The following ZFAT variants were observed in gnomAD, a reference collection of about 807,000 sequenced individuals.
ZFAT encodes the protein zinc finger and AT-hook domain containing, also known as zinc finger protein ZFAT.
ZFAT carries 64 observed loss-of-function variants against 117.7 expected under a neutral mutation model. The ratio of observed to expected loss-of-function variants is 0.54; its 90% CI spans 0.44 to 0.67. ZFAT has a LOEUF of 0.67. Ranked by LOEUF, ZFAT falls within the 30% of genes least tolerant of loss-of-function variation. The probability of loss-of-function intolerance (pLI) is 0.00; values close to 1 mark genes in which losing one functional copy is unlikely to be tolerated. For missense variants in ZFAT, 1,433 were observed against 1,584.5 expected, an observed-to-expected ratio of 0.90 and a Z score of 1.62; for synonymous variants, 679 against 615.0, an observed-to-expected ratio of 1.10 and a Z score of -1.54.
chr8:134,719,050 C>T, the ZFAT span, among the ~76,000 whole-genome samples: 1 of 152,152 alleles, frequency 6.6e-6, no homozygotes, highest in African/African-American at 2.4e-5. Flanking sequence ...TGTACCTGCA[C>T]AGAAAAGCTG....
intron 2 of ZFAT, among the ~76,000 whole-genome samples, chr8:134,656,812 T>A (rs144984561): frequency 5.9e-5 from 9 of 152,322 alleles, no homozygotes; most frequent in Non-Finnish European, 1.0e-4. Context: ...TTGCAGCGGT[T>A]CCTCATGTGC....
At chr8:134,499,480 C>T (rs1203466286) in intron 15 of ZFAT, among the ~76,000 whole-genome samples, 22 of 149,132 alleles carry the variant, frequency 1.5e-4, no homozygotes, top group Non-Finnish European at 2.8e-4. Context: ...TGGTTACACA[C>T]AGAGCCTGAT....
intron 15 of ZFAT, among the ~76,000 whole-genome samples, chr8:134,497,857 GCCGGGATGCC>G (rs1818599246): frequency 2.9e-5 from 4 of 136,172 alleles, no homozygotes; most frequent in African/African-American, 8.0e-5. Flanking sequence ...TTGGGGTGGA[GCCGGGATGCC>G]CCAGCTGCTG....
the ZFAT span, among the ~76,000 whole-genome samples, chr8:134,756,064 T>TA: frequency 6.7e-6 from 1 of 150,346 alleles, no homozygotes; most frequent in East Asian, 2.0e-4. Context: ...CCAAGTTTCC[T>TA]CCTTCCTGTA....
At chr8:134,608,347 G>C (rs945654306) in intron 5 of ZFAT, among the ~76,000 whole-genome samples, 2 of 152,298 alleles carry the variant, frequency 1.3e-5, no homozygotes, top group South Asian at 2.1e-4. Context: ...TGTTACTTTT[G>C]AAAGTGGGAA....
At chr8:134,742,125 T>C in the ZFAT span, among the ~76,000 whole-genome samples, 1 of 152,010 alleles carries the variant, frequency 6.6e-6, no homozygotes, top group Admixed American at 6.6e-5. Flanking sequence ...AAAAGGGTCT[T>C]TGAAGCTTCA....
rs375055626 is a variant in ZFAT at position 134,602,663 on chromosome 8, G to C, written c.1056C>G (p.Ile352Met). The C allele has an allele frequency of 9.3e-6, 15 of 1,614,232 alleles. No individual in the cohort carries two copies. Among genetic ancestry groups the C allele is most frequent in the Non-Finnish European group, 1.0e-5 (12 of 1,180,050 alleles). ...KVHIERVHKK[I>M]KQHCRFCKKK... ...TCTTGCAGAAGCGGCAGTGCTGCTT[G>C]ATCTTCTTGTGCACTCGCTCGATGT... The change falls in exon 6 of 16, where the codon ATC becomes ATG. Residue 352 changes from isoleucine to methionine, a missense_variant. Physicochemically the swap from Ile to Met is conservative, Grantham distance 10. This residue lies in a region of ZFAT where 436 missense variants were observed against 482.0 expected (regional missense o/e 0.90). Transcript: ENST00000377838.
In ZFAT at chr8:134,623,839, C is replaced by A. The variant is rs1407987204; in HGVS notation, c.449-13184G>T. Among the ~76,000 whole-genome samples, 3 of 152,036 alleles carry A rather than the reference C, an allele frequency of 2.0e-5. No homozygotes were observed. The East Asian group carries it at 5.8e-4, about 29-fold the overall frequency. On this transcript the variant is annotated intron_variant, in intron 3 of 15. Transcript: ENST00000377838. The stretch of plus-strand genomic sequence containing the variant: ...CTCGACGTCTCTGTAGCCTTCAACT[C>A]TCTGCCCCAGCGAGCCACCAGAGAG...
intron 10 of ZFAT, among the ~76,000 whole-genome samples, chr8:134,582,907 T>C (rs956521768): frequency 1.3e-5 from 2 of 152,376 alleles, no homozygotes; most frequent in African/African-American, 2.4e-5. Context: ...TTTTTATATA[T>C]AATTTTGGTA....
chr8:134,807,342 G>T, the ZFAT span, among the ~76,000 whole-genome samples: 1 of 152,114 alleles, frequency 6.6e-6, no homozygotes, highest in Non-Finnish European at 1.5e-5. Context: ...GAGTATTGTT[G>T]TAAGAGAGTT....
At chr8:134,517,142 T>G (rs1463290816) in intron 13 of ZFAT, among the ~76,000 whole-genome samples, 1 of 152,196 alleles carries the variant, frequency 6.6e-6, no homozygotes, top group African/African-American at 2.4e-5. Context: ...CCCAATCAAA[T>G]AACTGTTTTG....
chr8:134,637,199 A>C (rs1477993325), intron 3 of ZFAT, among the ~76,000 whole-genome samples: 1 of 152,250 alleles, frequency 6.6e-6, no homozygotes, highest in African/African-American at 2.4e-5. Flanking sequence ...GCTGTGTTTT[A>C]CCATCCCTGC....
intron 7 of ZFAT, among the ~76,000 whole-genome samples, chr8:134,596,799 G>T (rs1239294670): frequency 6.6e-6 from 1 of 152,058 alleles, no homozygotes; most frequent in African/African-American, 2.4e-5. Flanking sequence ...TCTTTCATAT[G>T]AAATGAAAGA....
chr8:134,681,281 C>T (rs1833058353), intron 1 of ZFAT, among the ~76,000 whole-genome samples: 2 of 152,252 alleles, frequency 1.3e-5, no homozygotes, highest in Middle Eastern at 3.4e-3. Context: ...TGGCTGTGGA[C>T]CCCACACCTC....
At chr8:134,788,993 G>T in the ZFAT span, among the ~76,000 whole-genome samples, 3 of 151,808 alleles carry the variant, frequency 2.0e-5, no homozygotes, top group Admixed American at 6.6e-5. Context: ...CATGTAGTAG[G>T]GAATTTTCAG....
chr8:134,517,234 G>A (rs1002053089), intron 13 of ZFAT, among the ~76,000 whole-genome samples: 1 of 152,036 alleles, frequency 6.6e-6, no homozygotes, highest in South Asian at 2.1e-4. Context: ...TACTCACAAT[G>A]TTTAAGACTT....
chr8:134,613,818 GA>G (rs748749305), intron 3 of ZFAT, among the ~76,000 whole-genome samples: 5 of 152,186 alleles, frequency 3.3e-5, no homozygotes, highest in African/African-American at 1.2e-4. Context: ...TCCACTGCCA[GA>G]ACTGAGGCAT....
At chr8:134,484,152 G>C (rs1250457319) in intron 15 of ZFAT, among the ~76,000 whole-genome samples, 7 of 152,130 alleles carry the variant, frequency 4.6e-5, no homozygotes, top group African/African-American at 7.2e-5. Context: ...GGGCTCCAAG[G>C]GTGCCCCGAG....
At chr8:134,554,412 C>T (rs1823408824) in intron 11 of ZFAT, among the ~76,000 whole-genome samples, 1 of 152,308 alleles carries the variant, frequency 6.6e-6, no homozygotes, top group East Asian at 1.9e-4. Flanking sequence ...GTGGATAGGT[C>T]GCTATGCTAG....
Sources: allele counts gnomAD v4.1 joint callset (sites outside exome capture counted in the v4.1 genomes callset), GRCh38; gene constraint gnomAD v4.1.1; regional missense constraint gnomAD v4.1.1; transcripts MANE v1.5; gene names NCBI Gene and HGNC (gene_info 2026-07-23, HGNC 2026-07-21).